Variants in PDZD2 observed in about 807,000 individuals in gnomAD.
PDZD2 encodes PDZ domain-containing protein 2.
In PDZD2, 90 loss-of-function variants were observed where a neutral mutation model predicts 220.7. That is an observed-to-expected ratio of 0.41 (90% CI 0.34 to 0.49). The LOEUF is 0.49. Ranked by LOEUF, PDZD2 falls within the 20% of genes least tolerant of loss-of-function variation. The pLI, the probability that PDZD2 is intolerant of heterozygous loss-of-function variation, is 0.28. For missense variants in PDZD2, 3,174 were observed against 3,608.5 expected, an observed-to-expected ratio of 0.88 and a Z score of 3.08; for synonymous variants, 1,375 against 1,450.5, an observed-to-expected ratio of 0.95 and a Z score of 1.18.
At chr5:31,697,402 G>T (rs1747419893) in intron 1 of PDZD2, among the ~76,000 whole-genome samples, 1 of 152,234 alleles carries the variant, frequency 6.6e-6, no homozygotes, top group Non-Finnish European at 1.5e-5. Flanking sequence ...AGCAGAGGTT[G>T]CAGTCAGCTG....
chr5:31,982,561 C>T (rs1750381955), intron 2 of PDZD2, among the ~76,000 whole-genome samples: 2 of 152,176 alleles, frequency 1.3e-5, no homozygotes, highest in African/African-American at 4.8e-5. Context: ...GCCCACTTGG[C>T]CTCCCAAAGC....
At chr5:31,807,564 C>T (rs1754813059) in intron 2 of PDZD2, among the ~76,000 whole-genome samples, 1 of 152,186 alleles carries the variant, frequency 6.6e-6, no homozygotes, top group Non-Finnish European at 1.5e-5. Context: ...GAGAGAAGAG[C>T]CTCAAACTCT....
At chr5:31,907,813 G>A (rs1013853603) in intron 2 of PDZD2, among the ~76,000 whole-genome samples, 1 of 152,078 alleles carries the variant, frequency 6.6e-6, no homozygotes, top group African/African-American at 2.4e-5. Flanking sequence ...GGCTGGGCCC[G>A]GTGGCTTATG....
chr5:31,658,890 A>G (rs1487877447), intron 1 of PDZD2, among the ~76,000 whole-genome samples: 1 of 152,128 alleles, frequency 6.6e-6, no homozygotes, highest in African/African-American at 2.4e-5. Flanking sequence ...AAGTGCTGGG[A>G]TTACAGGCGT....
chr5:31,700,019 C>T (rs1747548559), intron 1 of PDZD2, among the ~76,000 whole-genome samples: 1 of 152,088 alleles, frequency 6.6e-6, no homozygotes, highest in Admixed American at 6.5e-5. Flanking sequence ...TTAGAAGGAC[C>T]ACACTTTGGC....
chr5:31,808,599 C>A (rs2150239710), intron 2 of PDZD2, among the ~76,000 whole-genome samples: 1 of 152,310 alleles, frequency 6.6e-6, no homozygotes, highest in East Asian at 1.9e-4. Flanking sequence ...TTCCTGGGGT[C>A]AAGTATCATC....
rs537454049 is a variant in PDZD2 at position 31,799,546 on chromosome 5, C to G, written c.298C>G (p.Arg100Gly). The change falls in exon 2 of 25, where the codon CGC (arginine) becomes GGC (glycine). Residue 100 changes from arginine (R) to glycine (G), a missense_variant. Arg to Gly is a moderately radical substitution (Grantham distance 125). This residue lies in a region of PDZD2 where 632 missense variants were observed against 708.1 expected (regional missense o/e 0.89). Coordinates refer to ENST00000438447, the MANE Select transcript of PDZD2 (RefSeq NM_178140.4). Reference sequence around the variant, plus strand: ...TGTTTTCGGGGACTATGGTGAAAAGCGCAGGGGGGGCAAGAAGAGGAAAAC... The same window carrying G: ...TGTTTTCGGGGACTATGGTGAAAAGGGCAGGGGGGGCAAGAAGAGGAAAAC... The part of the protein sequence containing the change: ...IPVFGDYGEK[R>G]RGGKKRKTHQ... 3.7e-6 allele frequency: 6 copies of G among 1,614,046 alleles called. No homozygotes were observed. The African/African-American group carries it at 5.3e-5, about 14-fold the overall frequency.
chr5:32,002,758 C>CCCACATACCACA (rs1752291824), intron 5 of PDZD2, among the ~76,000 whole-genome samples: 2 of 10,772 alleles, frequency 1.9e-4, no homozygotes, highest in Non-Finnish European at 7.2e-4. Flanking sequence ...CACACACACC[C>CCCACATACCACA]CACACACCAC....
intron 1 of PDZD2, among the ~76,000 whole-genome samples, chr5:31,769,341 G>A (rs925773085): frequency 2.6e-5 from 4 of 152,234 alleles, no homozygotes; most frequent in African/African-American, 9.6e-5. Flanking sequence ...ACCTCACTGA[G>A]GATAAAAGAG....
intron 1 of PDZD2, among the ~76,000 whole-genome samples, chr5:31,672,489 C>T (rs1014286980): frequency 6.6e-6 from 1 of 152,200 alleles, no homozygotes; most frequent in Non-Finnish European, 1.5e-5. Context: ...CTTCTCTTCC[C>T]CTGCCAACCC....
chr5:32,039,986 C>A (rs1755919121), intron 7 of PDZD2, among the ~76,000 whole-genome samples: 1 of 150,116 alleles, frequency 6.7e-6, no homozygotes, highest in South Asian at 2.1e-4. Flanking sequence ...CTGGCCGCCC[C>A]ATCTGGGAAA....
intron 4 of PDZD2, 42 bp downstream of exon 4, chr5:31,995,760 C>T (rs767532461): frequency 3.3e-6 from 5 of 1,537,578 alleles, no homozygotes; most frequent in Non-Finnish European, 3.6e-6. Flanking sequence ...CCTCTGCCTC[C>T]TCTCCTTCCC....
chr5:31,924,957 G>A (rs926195250), intron 2 of PDZD2, among the ~76,000 whole-genome samples: 3 of 152,174 alleles, frequency 2.0e-5, no homozygotes, highest in Admixed American at 1.3e-4. Flanking sequence ...TCAAGTCCTG[G>A]TGGAGCTGGA....
chr5:31,734,293 C>T (rs1749711194), intron 1 of PDZD2, among the ~76,000 whole-genome samples: 1 of 152,054 alleles, frequency 6.6e-6, no homozygotes, highest in Non-Finnish European at 1.5e-5. Context: ...GGAAGTACTC[C>T]AGACCCTGTC....
rs10650316 is a variant in PDZD2 at position 31,693,240 on chromosome 5, C to CTTTTTT, written c.-361+53817_-361+53822dup. ...GGGGCAGGAGGATAGTGGGAAAGCACTTTTTTTTTTTTTTTTTTTGAGACG... is the reference window on the plus strand; with the variant it reads ...GGGGCAGGAGGATAGTGGGAAAGCACTTTTTTTTTTTTTTTTTTTTTTTTTGAGACG... On this transcript the variant is annotated intron_variant, in intron 1 of 24. Coordinates refer to ENST00000438447, the MANE Select transcript of PDZD2 (RefSeq NM_178140.4). Among the ~76,000 whole-genome samples, 51 of 87,754 alleles carry CTTTTTT rather than the reference C, an allele frequency of 5.8e-4. 2 individuals are homozygous for CTTTTTT. The highest frequency in any genetic ancestry group is 1.8e-3 in the South Asian group (4 of 2,164). 57.6% of individuals were successfully genotyped at this position (87,754 alleles called of 152,430 possible).
chr5:31,644,378 G>A (rs1025195433), intron 1 of PDZD2, among the ~76,000 whole-genome samples: 47 of 152,174 alleles, frequency 3.1e-4, no homozygotes, highest in Admixed American at 6.5e-4. Flanking sequence ...AAGCCAGGTA[G>A]GTCATCTGAT....
chr5:32,044,023 G>T (rs1362909825), intron 7 of PDZD2, among the ~76,000 whole-genome samples: 1 of 152,100 alleles, frequency 6.6e-6, no homozygotes, highest in Non-Finnish European at 1.5e-5. Flanking sequence ...GGGTTTGAAT[G>T]GGTTCAGACA....
At chr5:31,836,743 G>A (rs1756961163) in intron 2 of PDZD2, among the ~76,000 whole-genome samples, 1 of 152,136 alleles carries the variant, frequency 6.6e-6, no homozygotes, top group South Asian at 2.1e-4. Flanking sequence ...TGTAGGCTGG[G>A]CGAGGTGGTT....
intron 2 of PDZD2, among the ~76,000 whole-genome samples, chr5:31,974,903 C>G (rs116327484): frequency 2.6e-5 from 4 of 152,100 alleles, no homozygotes; most frequent in Admixed American, 2.6e-4. Flanking sequence ...ATAGTGAGAC[C>G]GTGTCTCAGA....
Sources: gnomAD v4.1 joint callset for allele counts (sites outside exome capture counted in the v4.1 genomes callset) on GRCh38, gnomAD v4.1.1 for gene constraint, gnomAD v4.1.1 regional missense constraint, MANE v1.5 for transcripts, NCBI Gene and HGNC (gene_info 2026-07-23, HGNC 2026-07-21) for gene names.